The following SIX4 variants were observed in gnomAD, a reference collection of about 807,000 sequenced individuals.
SIX4 encodes SIX homeobox 4.
SIX4 carries 23 observed loss-of-function variants against 51.5 expected under a neutral mutation model. The ratio of observed to expected loss-of-function variants is 0.45; its 90% CI spans 0.32 to 0.63. The LOEUF is 0.63. Among genes scored for constraint, SIX4 ranks in the 30% least tolerant of loss-of-function variants. SIX4 has a pLI of 0.04. For missense variants in SIX4, 867 were observed against 984.0 expected, an observed-to-expected ratio of 0.88 and a Z score of 1.59; for synonymous variants, 413 against 417.3, an observed-to-expected ratio of 0.99 and a Z score of 0.13.
rs760633995 is a variant in SIX4 at position 60,723,547 on chromosome 14, C to T, written c.528G>A (p.Ser176=). Residue 176 remains serine (S), a synonymous_variant, in exon 1 of 3, where the codon TCG becomes TCA. Transcript: ENST00000216513. ...YSILESHSFE[S]ANHPLLQQLW... is the part of the protein sequence containing the mutation. ...GCTGCTGCAGCAGCGGGTGGTTGGC[C>T]GACTCGAAGCTGTGGCTCTCGAGGA... The T allele has an allele frequency of 1.4e-5, 22 of 1,608,658 alleles. No homozygotes were observed. The highest frequency in any genetic ancestry group is 1.9e-5 in the Non-Finnish European group (22 of 1,179,338).
rs374990714 is a variant in SIX4, at chr14:60,724,036, C to T, written c.39G>A (p.Ala13=). 60 of 1,530,500 alleles carry T rather than the reference C, an allele frequency of 3.9e-5. No individual in the cohort carries two copies. The African/African-American group carries it at 7.6e-4, about 19-fold the overall frequency. The allele number at this position is 1,530,500 out of a possible 1,614,324, so 94.8% of individuals were successfully genotyped here. Residue 13 remains alanine, a synonymous_variant, in exon 1 of 3, where the codon GCG becomes GCA. Transcript: ENST00000216513. ...TCCCATTCTCTTGCTTGATGTCCGCCGCACTTGCGATCTGCCCGGTGGGGG... is the reference window on the plus strand; with the variant it reads ...TCCCATTCTCTTGCTTGATGTCCGCTGCACTTGCGATCTGCCCGGTGGGGG... ...SSSPTGQIAS[A]ADIKQENGME...
rs1895787686 is a variant in SIX4, at chr14:60,709,601, A to G, written c.*3806T>C. The G allele has an allele frequency of 6.6e-6, 1 of 152,662 alleles. No individual in the cohort carries two copies. The highest frequency in any genetic ancestry group is 1.5e-5 in the Non-Finnish European group (1 of 68,040). The allele number at this position is 152,662 out of a possible 1,614,324, so 9.5% of individuals were successfully genotyped here. A position where few individuals can be genotyped will look rare whatever the true frequency, so the allele number is the denominator to read the frequency against. On this transcript the variant is annotated 3_prime_UTR_variant, in exon 3 of 3. Transcript: ENST00000216513. This position sits in a 1 kb window ranked among gnomAD's most constrained non-coding sequence, Gnocchi z 4.1. ...GAAAAATAAGTTCACATCATTTCAG[A>G]AAACAAATAAAACACTTAATTGTCC... is the stretch of plus-strand genomic sequence containing the variant.
At position 60,724,162 on chromosome 14, in the gene SIX4, C is replaced by G. The variant is rs1896095350; in HGVS notation, c.-88G>C. 6.2e-7 allele frequency: 1 copy of G among 1,600,770 alleles called. No homozygotes were observed. Among genetic ancestry groups the G allele is most frequent in the South Asian group, 1.1e-5 (1 of 90,156 alleles). ...CTCTCTTACTCCTCCTCCTTCGTCT[C>G]CCTCCCTCCTCTCCCCCTCCGGAAA... On this transcript the variant is annotated 5_prime_UTR_variant, in exon 1 of 3. Coordinates refer to ENST00000216513, the MANE Select transcript of SIX4 (RefSeq NM_017420.5).
chr14:60,723,699 G>A lies in SIX4; in HGVS notation c.376C>T (p.Leu126=). Residue 126 remains leucine, a synonymous_variant, in exon 1 of 3, where the codon CTG becomes TTG. Transcript: ENST00000216513. Reference sequence around the variant, plus strand: ...CACAGGAACCGGGCCAGGCGGTCCAGGTTGCCCCCCTGCTGCAGTGCCTCG... The same window carrying A: ...CACAGGAACCGGGCCAGGCGGTCCAAGTTGCCCCCCTGCTGCAGTGCCTCG... ...VCEALQQGGN[L]DRLARFLWSL... The A allele has an allele frequency of 6.4e-7, 1 of 1,562,280 alleles. No individual in the cohort carries two copies. Among genetic ancestry groups the A allele is most frequent in the Non-Finnish European group, 8.7e-7 (1 of 1,155,280 alleles).
rs1249343940 is a variant in SIX4, at chr14:60,723,483, G to A, written c.592C>T (p.Arg198Cys). The stretch of plus-strand genomic sequence containing the variant: ...TCTACGGCTCCCAGCGGCCGGCCGC[G>A]GGCTCGCTCGGCCTCGGTGTAGCGC... ...KARYTEAERA[R>C]GRPLGAVDKY... Residue 198 changes from arginine (R) to cysteine (C), a missense_variant, in exon 1 of 3, where the codon CGC (arginine) becomes TGC (cysteine). By Grantham distance (180) the Arg-to-Cys change is radical. Transcript: ENST00000216513. 2 of 1,606,348 alleles carry A rather than the reference G, an allele frequency of 1.2e-6. No homozygotes were observed. The highest frequency in any genetic ancestry group is 1.3e-5 in the African/African-American group (1 of 74,916).
chr14:60,710,265 T>C lies in SIX4; in HGVS notation c.*3142A>G, dbSNP rs1895797883. On this transcript the variant is annotated 3_prime_UTR_variant, in exon 3 of 3. Transcript: ENST00000216513. Reference sequence around the variant, plus strand: ...TTAACTATGGATTTTTACCTATGGCTATAATATCTACCTGCCTTTCATAAC... The same window carrying C: ...TTAACTATGGATTTTTACCTATGGCCATAATATCTACCTGCCTTTCATAAC... 1 of 152,636 alleles carries C rather than the reference T, an allele frequency of 6.6e-6. No individual in the cohort carries two copies. The highest frequency in any genetic ancestry group is 1.5e-5 in the Non-Finnish European group (1 of 68,040). The allele number at this position is 152,636 out of a possible 1,614,324, so 9.5% of individuals were successfully genotyped here. A position where few individuals can be genotyped will look rare whatever the true frequency, so the allele number is the denominator to read the frequency against.
rs1896092278 is a variant in SIX4, at chr14:60,724,038, C to T, written c.37G>A (p.Ala13Thr). ...CCATTCTCTTGCTTGATGTCCGCCG[C>T]ACTTGCGATCTGCCCGGTGGGGGAG... ...SSSPTGQIAS[A>T]ADIKQENGME... Residue 13 changes from alanine to threonine, a missense_variant, in exon 1 of 3, where the codon GCG becomes ACG. Transcript: ENST00000216513. 1 of 1,531,464 alleles carries T rather than the reference C, an allele frequency of 6.5e-7. No individual in the cohort carries two copies. The highest frequency in any genetic ancestry group is 1.3e-5 in the South Asian group (1 of 78,190). The allele number at this position is 1,531,464 out of a possible 1,614,324, so 94.9% of individuals were successfully genotyped here.
At chr14:60,721,570 A>G (rs1354256009) in intron 1 of SIX4, among the ~76,000 whole-genome samples, 1 of 142,784 alleles carries the variant, frequency 7.0e-6, no homozygotes, top group African/African-American at 2.6e-5. Context: ...GGTGGGAGGT[A>G]GATCCGGAGA....
rs1250772021 is a variant in SIX4, at chr14:60,713,628, G to A, written c.2125C>T (p.Gln709Ter). 1 of 1,614,210 alleles carries A rather than the reference G, an allele frequency of 6.2e-7. No homozygotes were observed. Among genetic ancestry groups the A allele is most frequent in the East Asian group, 2.2e-5 (1 of 44,886 alleles). ...PSPAVHQDFV[Q>*]EHRLVLQSVA... ...GATTGCAGAACCAAACGATGTTCTT[G>A]GACAAAATCCTGATGTACTGCTGGG... Residue 709 changes from glutamine (Q) to a stop codon, truncating the protein, a stop_gained, in exon 3 of 3, where the codon CAA (glutamine) becomes TAA (stop). Coordinates refer to ENST00000216513, the MANE Select transcript of SIX4 (RefSeq NM_017420.5). LOFTEE classifies it high-confidence loss of function.
In SIX4 at chr14:60,713,015, C is replaced by A; in HGVS notation, c.*392G>T. The A allele has an allele frequency of 6.2e-6, 1 of 160,144 alleles. No homozygotes were observed. The highest frequency in any genetic ancestry group is 6.3e-5 in the Admixed American group (1 of 15,912). 9.9% of individuals were successfully genotyped at this position (160,144 alleles called of 1,614,324 possible). On this transcript the variant is annotated 3_prime_UTR_variant, in exon 3 of 3. Coordinates refer to ENST00000216513, the MANE Select transcript of SIX4 (RefSeq NM_017420.5). ...CCCATGGAGTAAAAGTAAACAAAAACAATTGTATTATTTCTAATGGTCTGC... is the reference window on the plus strand; with the variant it reads ...CCCATGGAGTAAAAGTAAACAAAAAAAATTGTATTATTTCTAATGGTCTGC...
In SIX4 at chr14:60,722,793, G is replaced by C. The variant is rs1379088397; in HGVS notation, c.863+419C>G. ...CGCGGAGGTGCAGACCCCGGCCGGC[G>C]CCGGCAGTCTCTGCGGGCCTCGGGC... is the stretch of plus-strand genomic sequence containing the variant. On this transcript the variant is annotated intron_variant, in intron 1 of 2. Transcript: ENST00000216513. This position sits in a 1 kb window ranked among gnomAD's most constrained non-coding sequence, Gnocchi z 5.9. 1.3e-5 allele frequency among the ~76,000 whole-genome samples: 2 copies of C among 152,036 alleles called. No homozygotes were observed. Among genetic ancestry groups the C allele is most frequent in the African/African-American group, 4.8e-5 (2 of 41,426 alleles).
rs1236854066 is a variant in SIX4 at position 60,717,671 on chromosome 14, T to TA, written c.1549+2088dup. On this transcript the variant is annotated intron_variant, in intron 2 of 2. Coordinates refer to ENST00000216513, the MANE Select transcript of SIX4 (RefSeq NM_017420.5). This position sits in a 1 kb window ranked among gnomAD's most constrained non-coding sequence, Gnocchi z 4.6. The stretch of plus-strand genomic sequence containing the variant: ...TAAAAATTGAACAACAATTTTAAGA[T>TA]AAAAAAATCCAACTGAAAAACCATA... 2.0e-5 allele frequency among the ~76,000 whole-genome samples: 3 copies of TA among 151,962 alleles called. No individual in the cohort carries two copies. Among genetic ancestry groups the TA allele is most frequent in the Non-Finnish European group, 4.4e-5 (3 of 67,974 alleles).
chr14:60,714,270 C>T (rs538232996), intron 2 of SIX4, 67 bp from the exon 3 acceptor site: 44 of 1,381,390 alleles, frequency 3.2e-5, no homozygotes, highest in Admixed American at 7.5e-5. Flanking sequence ...GTTACACACA[C>T]GTTTTTTTCT....
In SIX4 at chr14:60,723,347, T is replaced by C. The variant is rs1896068272; in HGVS notation, c.728A>G (p.Lys243Arg). 1.9e-6 allele frequency: 3 copies of C among 1,612,396 alleles called. No homozygotes were observed. The highest frequency in any genetic ancestry group is 1.1e-5 in the South Asian group (1 of 91,076). Reference sequence around the variant, plus strand: ...GGCGGGCGAAGGGTAGCGATTCTGCTTGTAGAGCTCCTTGAGCGCGTTGCG... The same window carrying C: ...GGCGGGCGAAGGGTAGCGATTCTGCCTGTAGAGCTCCTTGAGCGCGTTGCG... ...KSRNALKELY[K>R]QNRYPSPAEK... Residue 243 changes from lysine (K) to arginine (R), a missense_variant, in exon 1 of 3, where the codon AAG becomes AGG. Coordinates refer to ENST00000216513, the MANE Select transcript of SIX4 (RefSeq NM_017420.5).
rs1895853740 is a variant in SIX4, at chr14:60,713,236, A to G, written c.*171T>C. Reference sequence around the variant, plus strand: ...AAAAAGGCTGCAATAATGCAGTTCTACTCCTGTATACTTAACTGTGATCTT... The same window carrying G: ...AAAAAGGCTGCAATAATGCAGTTCTGCTCCTGTATACTTAACTGTGATCTT... On this transcript the variant is annotated 3_prime_UTR_variant, in exon 3 of 3. Transcript: ENST00000216513. 3 of 628,438 alleles carry G rather than the reference A, an allele frequency of 4.8e-6. No homozygotes were observed. Among genetic ancestry groups the G allele is most frequent in the Non-Finnish European group, 7.9e-6 (3 of 377,674 alleles). 38.9% of individuals were successfully genotyped at this position (628,438 alleles called of 1,614,324 possible). A position where few individuals can be genotyped will look rare whatever the true frequency, so the allele number is the denominator to read the frequency against.
chr14:60,720,644 C>T lies in SIX4; in HGVS notation c.864-199G>A. ...CAGCCAGAGAATCTGGGAAGATAAACTCTCAGATCCCAATCATTTAAAATA... is the reference window on the plus strand; with the variant it reads ...CAGCCAGAGAATCTGGGAAGATAAATTCTCAGATCCCAATCATTTAAAATA... On this transcript the variant is annotated intron_variant, in intron 1 of 2. Coordinates refer to ENST00000216513, the MANE Select transcript of SIX4 (RefSeq NM_017420.5). This position sits in a 1 kb window ranked among gnomAD's most constrained non-coding sequence, Gnocchi z 5.5. Among the ~76,000 whole-genome samples the T allele has an allele frequency of 6.6e-6, 1 of 152,180 alleles. No homozygotes were observed. Among genetic ancestry groups the T allele is most frequent in the East Asian group, 1.9e-4 (1 of 5,196 alleles).
intron 1 of SIX4, 118 bp downstream of exon 1, chr14:60,723,094 C>G (rs1372229291): frequency 7.1e-7 from 1 of 1,417,350 alleles, no homozygotes; most frequent in African/African-American, 1.5e-5. Flanking sequence ...GAGAGGTGGG[C>G]AGCCGGACCA....
rs1251487787 is a variant in SIX4 at position 60,720,964 on chromosome 14, G to T, written c.864-519C>A. On this transcript the variant is annotated intron_variant, in intron 1 of 2. Coordinates refer to ENST00000216513, the MANE Select transcript of SIX4 (RefSeq NM_017420.5). The surrounding 1 kb of genome is among the most constrained non-coding windows in gnomAD (Gnocchi z 5.5). ...TCTTTTTTGGTCAGTTAGTTAACAAGAGATCGTTTTCTCACCTGCTCCCAA... is the reference window on the plus strand; with the variant it reads ...TCTTTTTTGGTCAGTTAGTTAACAATAGATCGTTTTCTCACCTGCTCCCAA... 2.0e-6 allele frequency: 2 copies of T among 986,754 alleles called. No individual in the cohort carries two copies. The highest frequency in any genetic ancestry group is 1.1e-4 in the East Asian group (1 of 8,848). The allele number at this position is 986,754 out of a possible 1,614,324, so 61.1% of individuals were successfully genotyped here.
rs1231210646 is a variant in SIX4 at position 60,724,044 on chromosome 14, C to A, written c.31G>T (p.Ala11Ser). 6.5e-7 allele frequency: 1 copy of A among 1,532,554 alleles called. No homozygotes were observed. The highest frequency in any genetic ancestry group is 1.4e-5 in the African/African-American group (1 of 72,306). The allele number at this position is 1,532,554 out of a possible 1,614,324, so 94.9% of individuals were successfully genotyped here. A position where few individuals can be genotyped will look rare whatever the true frequency, so the allele number is the denominator to read the frequency against. MSSSSPTGQI[A>S]SAADIKQENG... ...TCTTGCTTGATGTCCGCCGCACTTG[C>A]GATCTGCCCGGTGGGGGAGGAAGAG... Residue 11 changes from alanine (A) to serine (S), a missense_variant, in exon 1 of 3, where the codon GCA becomes TCA. Transcript: ENST00000216513.
Sources: gnomAD v4.1 joint callset for allele counts (sites outside exome capture counted in the v4.1 genomes callset) on GRCh38, gnomAD v4.1.1 for gene constraint, Gnocchi (gnomAD v3.1) non-coding constraint, MANE v1.5 for transcripts, NCBI Gene and HGNC (gene_info 2026-07-23, HGNC 2026-07-21) for gene names.